ITSN1: variants seen among roughly 807,000 people sequenced by gnomAD.
ITSN1 encodes intersectin 1, also known as intersectin-1.
ITSN1 carries 58 observed loss-of-function variants against 239.8 expected under a neutral mutation model. The observed-to-expected ratio is 0.24, with a 90% CI of 0.20 to 0.30. ITSN1 has a LOEUF of 0.30. Ranked by LOEUF, ITSN1 falls within the 10% of genes least tolerant of loss-of-function variation. ITSN1 has a pLI of 1.00. For missense variants in ITSN1, 1,558 were observed against 2,103.3 expected, an observed-to-expected ratio of 0.74 and a Z score of 5.07; for synonymous variants, 780 against 770.8, an observed-to-expected ratio of 1.01 and a Z score of -0.20.
intron 5 of ITSN1, among the ~76,000 whole-genome samples, chr21:33,746,754 A>C (rs535914997): frequency 6.6e-6 from 1 of 152,230 alleles, no homozygotes; most frequent in African/African-American, 2.4e-5. Flanking sequence ...AAGCAGGAGA[A>C]TCCCTTGAAG....
intron 23 of ITSN1, 25 bp downstream of exon 23, chr21:33,818,497 A>G: frequency 6.4e-7 from 1 of 1,570,446 alleles, no homozygotes; most frequent in Non-Finnish European, 8.8e-7. Context: ...ATCTGCTTGT[A>G]TTTGATGAAA....
At chr21:33,841,653 G>C (rs1002202348) in intron 29 of ITSN1, among the ~76,000 whole-genome samples, 1 of 152,206 alleles carries the variant, frequency 6.6e-6, no homozygotes, top group Non-Finnish European at 1.5e-5. Context: ...CTCCAGCACA[G>C]GGCGGGGGCA....
chr21:33,689,410 C>T (rs2091402056), intron 1 of ITSN1: 1 of 152,216 alleles, frequency 6.6e-6, no homozygotes, highest in South Asian at 2.1e-4. Flanking sequence ...CGCAGTGGCC[C>T]AGGCCTGTAA....
chr21:33,709,202 C>A (rs1368284453), intron 1 of ITSN1, among the ~76,000 whole-genome samples: 1 of 152,136 alleles, frequency 6.6e-6, no homozygotes, highest in East Asian at 1.9e-4. Flanking sequence ...ATATACAAAC[C>A]CTTTGGAAAG....
chr21:33,844,507 G>A (rs73900379), intron 29 of ITSN1, among the ~76,000 whole-genome samples: 12 of 152,158 alleles, frequency 7.9e-5, no homozygotes, highest in African/African-American at 2.9e-4. Context: ...CCCTAGACAT[G>A]CCGGCTGCTG....
Position 33,702,116 on chromosome 21 carries a change from T to TCC in ITSN1, c.-32-16681_-32-16680insCC, listed in dbSNP as rs1568975054. ...AAATTTTTTTTTTTTTTTTTTTTTT[T>TCC]TTTTTTTTTTTTTTTTTTAGACGGA... On this transcript the variant is annotated intron_variant, in intron 1 of 39. Coordinates refer to ENST00000381318, the MANE Select transcript of ITSN1 (RefSeq NM_003024.3). Among the ~76,000 whole-genome samples, 111 of 145,704 alleles carry TCC rather than the reference T, an allele frequency of 7.6e-4. 4 individuals are homozygous for TCC. Among genetic ancestry groups the TCC allele is most frequent in the South Asian group, 1.9e-3 (9 of 4,638 alleles).
chr21:33,717,616 T>C lies in ITSN1; in HGVS notation c.-32-1181T>C, dbSNP rs374692050. On this transcript the variant is annotated intron_variant, in intron 1 of 39. Transcript: ENST00000381318. ...AGTCACCCAGGCTGGAGTGCAGGGGTGCAATCTCGGCTCACTGCAAGCTCC... is the reference window on the plus strand; with the variant it reads ...AGTCACCCAGGCTGGAGTGCAGGGGCGCAATCTCGGCTCACTGCAAGCTCC... Among the ~76,000 whole-genome samples the C allele has an allele frequency of 5.9e-5, 9 of 151,890 alleles. No homozygotes were observed. In the East Asian group the frequency reaches 1.2e-3, roughly 20 times the overall value.
At chr21:33,851,190 T>A (rs1602591950) in intron 29 of ITSN1, among the ~76,000 whole-genome samples, 1 of 152,078 alleles carries the variant, frequency 6.6e-6, no homozygotes, top group East Asian at 1.9e-4. Context: ...TCTTGCAGTG[T>A]CTCCGCGTCG....
intron 1 of ITSN1, among the ~76,000 whole-genome samples, chr21:33,666,576 C>T (rs376669794): frequency 2.6e-5 from 4 of 152,164 alleles, no homozygotes; most frequent in East Asian, 3.8e-4. Flanking sequence ...ATCATTTGCA[C>T]TTTATATATA....
chr21:33,878,628 A>G (rs1174569543), intron 34 of ITSN1, among the ~76,000 whole-genome samples: 1 of 152,144 alleles, frequency 6.6e-6, no homozygotes, highest in Non-Finnish European at 1.5e-5. Flanking sequence ...CCACGGCCCC[A>G]TCTCCTGTCC....
At chr21:33,687,374 G>C (rs2046153385) in intron 1 of ITSN1, among the ~76,000 whole-genome samples, 1 of 133,238 alleles carries the variant, frequency 7.5e-6, no homozygotes, top group African/African-American at 2.9e-5. Context: ...CTTCAGCCTG[G>C]GCAACAAGAG....
At chr21:33,766,119 C>CTT (rs776868658) in intron 10 of ITSN1, 107 bp downstream of exon 10, 1 of 1,214,986 alleles carries the variant, frequency 8.2e-7, no homozygotes, top group Non-Finnish European at 1.2e-6. Flanking sequence ...GACAAGGAAA[C>CTT]TAAGTATCCG....
chr21:33,781,215 C>T (rs962180939), intron 14 of ITSN1, among the ~76,000 whole-genome samples: 5 of 152,100 alleles, frequency 3.3e-5, no homozygotes, highest in African/African-American at 7.2e-5. Flanking sequence ...TATAAATATC[C>T]GGTAAGTCAA....
chr21:33,772,181 G>T lies in ITSN1; in HGVS notation c.1163G>T (p.Arg388Leu). ...KEQERLAQLE[R>L]AEQERKERER... is the part of the protein sequence containing the mutation. ...CAGGAGCGCCTGGCCCAGCTGGAGC[G>T]GGCGGAGCAGGAGAGGAAGGAGCGT... Residue 388 changes from arginine (R) to leucine (L), a missense_variant, in exon 12 of 40, where the codon CGG (arginine) becomes CTG (leucine). Coordinates refer to ENST00000381318, the MANE Select transcript of ITSN1 (RefSeq NM_003024.3). 1.9e-6 allele frequency: 3 copies of T among 1,614,068 alleles called. No individual in the cohort carries two copies. The highest frequency in any genetic ancestry group is 1.1e-5 in the South Asian group (1 of 91,064).
intron 12 of ITSN1, among the ~76,000 whole-genome samples, chr21:33,773,467 G>GTTCTTTCATGT (rs1219111356): frequency 6.6e-6 from 1 of 151,966 alleles, no homozygotes; most frequent in Admixed American, 6.6e-5. Flanking sequence ...GCAACACATG[G>GTTCTTTCATGT]TTCTTTCATG....
chr21:33,765,799 C>T (rs1394353578), intron 9 of ITSN1, 76 bp from the exon 10 acceptor site: 1 of 1,523,086 alleles, frequency 6.6e-7, no homozygotes, highest in South Asian at 1.1e-5. Flanking sequence ...GAAAACATAA[C>T]TTTTAAATCA....
intron 6 of ITSN1, among the ~76,000 whole-genome samples, chr21:33,751,606 A>G (rs2067559098): frequency 6.6e-6 from 1 of 152,220 alleles, no homozygotes; most frequent in South Asian, 2.1e-4. Context: ...TAGTAAGGTG[A>G]TTTTCAGTAG....
At chr21:33,715,733 A>G (rs546873525) in intron 1 of ITSN1, among the ~76,000 whole-genome samples, 6 of 152,262 alleles carry the variant, frequency 3.9e-5, no homozygotes, top group South Asian at 4.1e-4. Flanking sequence ...AAAGTCTGCA[A>G]TAATCTCAAA....
At chr21:33,855,882 C>T (rs112852605) in intron 29 of ITSN1, among the ~76,000 whole-genome samples, 3 of 152,348 alleles carry the variant, frequency 2.0e-5, no homozygotes, top group African/African-American at 7.2e-5. Flanking sequence ...TCTGGAGGCA[C>T]CCTGCATCTG....
Sources: gnomAD v4.1 joint callset for allele counts (sites outside exome capture counted in the v4.1 genomes callset) on GRCh38, gnomAD v4.1.1 for gene constraint, MANE v1.5 for transcripts, NCBI Gene and HGNC (gene_info 2026-07-23, HGNC 2026-07-21) for gene names.